Variants in LRRC4B observed in about 807,000 individuals in gnomAD.
The protein encoded by LRRC4B is leucine-rich repeat-containing protein 4B.
Under a neutral mutation model 7.3 loss-of-function variants are expected in LRRC4B, and 1 was observed. The ratio of observed to expected loss-of-function variants is 0.14; its 90% CI spans 0.05 to 0.65. LRRC4B has a LOEUF of 0.65. LRRC4B is among the 30% of genes least tolerant of loss of function. The pLI is 0.84. For synonymous variants in LRRC4B, 500 were observed against 499.2 expected, an observed-to-expected ratio of 1.00 and a Z score of -0.02; for missense variants, 730 against 1,041.6, an observed-to-expected ratio of 0.70 and a Z score of 4.12.
Position 50,517,339 on chromosome 19 carries a change from G to A in LRRC4B, c.*232C>T. The A allele has an allele frequency of 2.7e-6, 1 of 377,280 alleles. No individual in the cohort carries two copies. Among genetic ancestry groups the A allele is most frequent in the Admixed American group, 4.6e-5 (1 of 21,796 alleles). The allele number at this position is 377,280 out of a possible 1,614,324, so 23.4% of individuals were successfully genotyped here. ...GGGTCCCACGTCCCCTCCCGTCACC[G>A]GGGATTGGCGGGGGTGAGGCGAGGA... On this transcript the variant is annotated 3_prime_UTR_variant, in exon 3 of 3. Coordinates refer to ENST00000652263, the MANE Select transcript of LRRC4B (RefSeq NM_001080457.2). The surrounding 1 kb of genome is among the most constrained non-coding windows in gnomAD (Gnocchi z 6.6).
In LRRC4B at chr19:50,517,283, G is replaced by A; in HGVS notation, c.*288C>T. On this transcript the variant is annotated 3_prime_UTR_variant, in exon 3 of 3. Coordinates refer to ENST00000652263, the MANE Select transcript of LRRC4B (RefSeq NM_001080457.2). This position sits in a 1 kb window ranked among gnomAD's most constrained non-coding sequence, Gnocchi z 6.6. Reference sequence around the variant, plus strand: ...GGAACGCTTGGTGGGAGAGCGAGGAGGAAACGCGGAGAACTCAGGCCACTT... The same window carrying A: ...GGAACGCTTGGTGGGAGAGCGAGGAAGAAACGCGGAGAACTCAGGCCACTT... The A allele has an allele frequency of 3.5e-6, 1 of 284,532 alleles. No homozygotes were observed. The allele number at this position is 284,532 out of a possible 1,614,324, so 17.6% of individuals were successfully genotyped here.
At position 50,517,554 on chromosome 19, in the gene LRRC4B, C is replaced by T. The variant is rs768524033; in HGVS notation, c.*17G>A. 4 of 1,415,436 alleles carry T rather than the reference C, an allele frequency of 2.8e-6. No individual in the cohort carries two copies. Among genetic ancestry groups the T allele is most frequent in the East Asian group, 5.5e-5 (2 of 36,588 alleles). 87.7% of individuals were successfully genotyped at this position (1,415,436 alleles called of 1,614,324 possible). A position where few individuals can be genotyped will look rare whatever the true frequency, so the allele number is the denominator to read the frequency against. The stretch of plus-strand genomic sequence containing the variant: ...GGTGGGGGGCTCCACGCCCCTCGCC[C>T]GCCCGGCCCCGCCGCCTCAGATCTG... On this transcript the variant is annotated 3_prime_UTR_variant, in exon 3 of 3. Transcript: ENST00000652263. The surrounding 1 kb of genome is among the most constrained non-coding windows in gnomAD (Gnocchi z 6.6).
At chr19:50,524,739 C>T (rs73062150) in intron 2 of LRRC4B, among the ~76,000 whole-genome samples, 24,439 of 152,188 alleles carry the variant, frequency 0.16, 2,678 homozygotes, top group Non-Finnish European at 0.24. Flanking sequence ...GGTGGAGCTT[C>T]GAAATCCAAG....
At chr19:50,530,128 C>G (rs529209352) in intron 2 of LRRC4B, among the ~76,000 whole-genome samples, 2 of 152,264 alleles carry the variant, frequency 1.3e-5, no homozygotes, top group East Asian at 3.9e-4. Flanking sequence ...ACAGCCCAGC[C>G]CCGCCTCATC....
At chr19:50,565,103 G>C (rs1416046199) in intron 1 of LRRC4B, among the ~76,000 whole-genome samples, 2 of 152,184 alleles carry the variant, frequency 1.3e-5, no homozygotes, top group African/African-American at 4.8e-5. Flanking sequence ...CTCTGAGTGG[G>C]ATTAAGGGTG....
At chr19:50,566,620 G>T (rs987556046) in intron 1 of LRRC4B, among the ~76,000 whole-genome samples, 29 of 151,540 alleles carry the variant, frequency 1.9e-4, no homozygotes, top group Non-Finnish European at 1.5e-5. Flanking sequence ...CTGGAGACTC[G>T]AGTCCTGGAG....
chr19:50,560,838 C>T (rs1178129928), intron 1 of LRRC4B, among the ~76,000 whole-genome samples: 7 of 152,208 alleles, frequency 4.6e-5, no homozygotes, highest in Admixed American at 3.9e-4. Context: ...CCTGTAATCC[C>T]AGCACTTTGG....
At position 50,556,999 on chromosome 19, in the gene LRRC4B, A is replaced by C. The variant is rs1346383853; in HGVS notation, c.-35-8126T>G. Among the ~76,000 whole-genome samples, 1 of 152,020 alleles carries C rather than the reference A, an allele frequency of 6.6e-6. No individual in the cohort carries two copies. The highest frequency in any genetic ancestry group is 2.4e-5 in the African/African-American group (1 of 41,378). On this transcript the variant is annotated intron_variant, in intron 1 of 2. Coordinates refer to ENST00000652263, the MANE Select transcript of LRRC4B (RefSeq NM_001080457.2). The surrounding 1 kb of genome is among the most constrained non-coding windows in gnomAD (Gnocchi z 4.2). ...CAACGGGCTGTGACAACAGAGGGGC[A>C]GGCTCAGCTCTGGTGGGTGAAGGAC...
chr19:50,551,871 C>T (rs1190624824), intron 1 of LRRC4B, among the ~76,000 whole-genome samples: 2 of 151,824 alleles, frequency 1.3e-5, no homozygotes, highest in Middle Eastern at 3.2e-3. Flanking sequence ...CTCCCCACCC[C>T]TCCCTCCTTC....
At chr19:50,547,497 C>G (rs371145968) in intron 2 of LRRC4B, among the ~76,000 whole-genome samples, 1 of 151,772 alleles carries the variant, frequency 6.6e-6, no homozygotes, top group Non-Finnish European at 1.5e-5. Context: ...CCTCTGGCAT[C>G]GGCACCCTCT....
intron 2 of LRRC4B, among the ~76,000 whole-genome samples, chr19:50,525,295 G>A (rs1000318862): frequency 1.3e-5 from 2 of 152,132 alleles, no homozygotes; most frequent in Admixed American, 6.5e-5. Flanking sequence ...TCAGCACGTC[G>A]TCATTCTCAT....
At chr19:50,524,974 A>C (rs1216134324) in intron 2 of LRRC4B, among the ~76,000 whole-genome samples, 1 of 152,206 alleles carries the variant, frequency 6.6e-6, no homozygotes, top group African/African-American at 2.4e-5. Context: ...AGGAGGAAAC[A>C]GGAGCCTAAA....
chr19:50,523,124 T>A (rs1273180860), intron 2 of LRRC4B, among the ~76,000 whole-genome samples: 2 of 152,026 alleles, frequency 1.3e-5, no homozygotes, highest in African/African-American at 4.8e-5. Context: ...CAGTGCTGGG[T>A]CAGAGCACGG....
At chr19:50,545,971 G>A (rs1271561693) in intron 2 of LRRC4B, among the ~76,000 whole-genome samples, 2 of 151,704 alleles carry the variant, frequency 1.3e-5, no homozygotes, top group Non-Finnish European at 2.9e-5. Context: ...CAATCCACCT[G>A]CCTCAGTCTC....
chr19:50,525,089 A>G (rs1980747653), intron 2 of LRRC4B, among the ~76,000 whole-genome samples: 1 of 152,172 alleles, frequency 6.6e-6, no homozygotes, highest in Non-Finnish European at 1.5e-5. Context: ...TTCCCCGTGG[A>G]CAGACACGGA....
intron 1 of LRRC4B, among the ~76,000 whole-genome samples, chr19:50,559,025 C>T (rs1489938183): frequency 3.3e-5 from 5 of 152,232 alleles, no homozygotes; most frequent in Non-Finnish European, 5.9e-5. Context: ...GCGAGAGCTG[C>T]TGCTGCCCAT....
intron 2 of LRRC4B, among the ~76,000 whole-genome samples, chr19:50,543,435 C>T (rs1052627069): frequency 1.4e-4 from 21 of 151,962 alleles, no homozygotes; most frequent in South Asian, 2.1e-4. Context: ...CGGTGCTTCT[C>T]TCATCATCCC....
Position 50,517,192 on chromosome 19 carries a change from T to G in LRRC4B, c.*379A>C. On this transcript the variant is annotated 3_prime_UTR_variant, in exon 3 of 3. Transcript: ENST00000652263. The surrounding 1 kb of genome is among the most constrained non-coding windows in gnomAD (Gnocchi z 6.6). ...AAAACTGAACCGTAAAAGGAAGGTGTTTGGGGCCGAGGGGAAAGGACACCC... is the reference window on the plus strand; with the variant it reads ...AAAACTGAACCGTAAAAGGAAGGTGGTTGGGGCCGAGGGGAAAGGACACCC... 1 of 171,296 alleles carries G rather than the reference T, an allele frequency of 5.8e-6. No individual in the cohort carries two copies. The highest frequency in any genetic ancestry group is 1.2e-5 in the Non-Finnish European group (1 of 81,080). The allele number at this position is 171,296 out of a possible 1,614,324, so 10.6% of individuals were successfully genotyped here. A position where few individuals can be genotyped will look rare whatever the true frequency, so the allele number is the denominator to read the frequency against.
At chr19:50,558,395 A>AT (rs1599786369) in intron 1 of LRRC4B, among the ~76,000 whole-genome samples, 1 of 152,022 alleles carries the variant, frequency 6.6e-6, no homozygotes, top group Non-Finnish European at 1.5e-5. Context: ...CACCCGGCTA[A>AT]TTTTTTTGTA....
Sources: gnomAD v4.1 joint callset for allele counts (sites outside exome capture counted in the v4.1 genomes callset) on GRCh38, gnomAD v4.1.1 for gene constraint, Gnocchi (gnomAD v3.1) non-coding constraint, MANE v1.5 for transcripts, NCBI Gene and HGNC (gene_info 2026-07-23, HGNC 2026-07-21) for gene names.